IL6R: variants seen among roughly 807,000 people sequenced by gnomAD.
IL6R encodes the protein interleukin-6 receptor subunit alpha.
In IL6R, 38 loss-of-function variants were observed where a neutral mutation model predicts 48.3. That is an observed-to-expected ratio of 0.79 (90% CI 0.61 to 1.03). The LOEUF (loss-of-function observed/expected upper bound fraction) is 1.03. Ranked by LOEUF, IL6R falls within the 50% of genes least tolerant of loss-of-function variation. IL6R has a pLI of 0.00. For synonymous variants in IL6R, 264 were observed against 256.2 expected, an observed-to-expected ratio of 1.03 and a Z score of -0.29; for missense variants, 534 against 618.3, an observed-to-expected ratio of 0.86 and a Z score of 1.45.
intron 7 of IL6R, among the ~76,000 whole-genome samples, chr1:154,448,875 CTTTTT>C (rs757221328): frequency 2.7e-5 from 2 of 73,330 alleles, no homozygotes; most frequent in Admixed American, 1.6e-4. Flanking sequence ...CTTGTAAGGG[CTTTTT>C]TTTTTTTTTT....
chr1:154,464,046 T>C (rs1202524156), intron 9 of IL6R, among the ~76,000 whole-genome samples: 2 of 152,170 alleles, frequency 1.3e-5, no homozygotes, highest in Admixed American at 1.3e-4. Flanking sequence ...TTTCCTGCTA[T>C]TACATGGCGG....
intron 8 of IL6R, 37 bp downstream of exon 8, chr1:154,450,017 G>T (rs1335900308): frequency 1.5e-6 from 2 of 1,329,014 alleles, no homozygotes; most frequent in South Asian, 2.3e-5. Context: ...CAGGGTCCGA[G>T]GGACAGAAGA....
In IL6R at chr1:154,465,560, C is replaced by T. The variant is rs1162459048; in HGVS notation, c.*180C>T. 8.9e-6 allele frequency: 6 copies of T among 674,494 alleles called. No homozygotes were observed. The East Asian group carries it at 1.4e-4, about 15-fold the overall frequency. The allele number at this position is 674,494 out of a possible 1,614,324, so 41.8% of individuals were successfully genotyped here. ...AAATCAGCCTGCTCCAGCTGTTCAGCTGGTTGAGGTTTCAAACCTCCCTTT... is the reference window on the plus strand; with the variant it reads ...AAATCAGCCTGCTCCAGCTGTTCAGTTGGTTGAGGTTTCAAACCTCCCTTT... On this transcript the variant is annotated 3_prime_UTR_variant, in exon 10 of 10. Transcript: ENST00000368485.
chr1:154,429,253 C>T lies in IL6R; in HGVS notation c.143C>T (p.Pro48Leu), dbSNP rs1322685978. The change falls in exon 2 of 10, where the codon CCG becomes CTG. Residue 48 changes from proline to leucine, a missense_variant. By Grantham distance (98) the Pro-to-Leu change is moderately conservative. Coordinates refer to ENST00000368485, the MANE Select transcript of IL6R (RefSeq NM_000565.4). ...LPGDSVTLTCPGVEPEDNATV... is the reference protein window; with the variant it reads ...LPGDSVTLTCLGVEPEDNATV... The stretch of plus-strand genomic sequence containing the variant: ...GGAGACAGCGTGACTCTGACCTGCC[C>T]GGGGGTAGAGCCGGAAGACAATGCC... 17 of 1,613,970 alleles carry T rather than the reference C, an allele frequency of 1.1e-5. No homozygotes were observed. Among genetic ancestry groups the T allele is most frequent in the South Asian group, 4.4e-5 (4 of 91,080 alleles).
chr1:154,410,881 A>G (rs566205604), intron 1 of IL6R, among the ~76,000 whole-genome samples: 9 of 152,232 alleles, frequency 5.9e-5, no homozygotes, highest in Admixed American at 1.3e-4. Context: ...GGTTACAATA[A>G]CTGTTACCAT....
At chr1:154,428,779 G>A (rs1156995949) in intron 1 of IL6R, among the ~76,000 whole-genome samples, 1 of 152,166 alleles carries the variant, frequency 6.6e-6, no homozygotes, top group Non-Finnish European at 1.5e-5. Flanking sequence ...AGGAGTTGTC[G>A]TGGGGATGAT....
At position 154,405,683 on chromosome 1, in the gene IL6R, G is replaced by C; in HGVS notation, c.54G>C (p.Ala18=). The C allele has an allele frequency of 6.5e-7, 1 of 1,527,208 alleles. No individual in the cohort carries two copies. Among genetic ancestry groups the C allele is most frequent in the Non-Finnish European group, 8.7e-7 (1 of 1,144,054 alleles). The allele number at this position is 1,527,208 out of a possible 1,614,324, so 94.6% of individuals were successfully genotyped here. The change falls in exon 1 of 10, where the codon GCG becomes GCC. Residue 18 remains alanine, a synonymous_variant. Coordinates refer to ENST00000368485, the MANE Select transcript of IL6R (RefSeq NM_000565.4). This position sits in a 1 kb window ranked among gnomAD's most constrained non-coding sequence, Gnocchi z 5.2. Reference sequence around the variant, plus strand: ...CTGCCCTGCTGGCCGCGCCGGGAGCGGCGCTGGCCCCAAGGCGCTGCCCTG... The same window carrying C: ...CTGCCCTGCTGGCCGCGCCGGGAGCCGCGCTGGCCCCAAGGCGCTGCCCTG... ...LLAALLAAPG[A]ALAPRRCPAQ...
At chr1:154,431,960 G>A (rs368935835) in intron 3 of IL6R, among the ~76,000 whole-genome samples, 14 of 152,256 alleles carry the variant, frequency 9.2e-5, no homozygotes, top group African/African-American at 3.1e-4. Flanking sequence ...TTTTTGGACC[G>A]CAGTTGACCA....
At chr1:154,458,219 C>T (rs1691030436) in intron 9 of IL6R, among the ~76,000 whole-genome samples, 1 of 152,138 alleles carries the variant, frequency 6.6e-6, no homozygotes, top group Non-Finnish European at 1.5e-5. Flanking sequence ...ATCCACCCGC[C>T]TTGGCCTCCC....
intron 6 of IL6R, among the ~76,000 whole-genome samples, chr1:154,439,410 G>A (rs997613088): frequency 6.6e-6 from 1 of 152,156 alleles, no homozygotes; most frequent in Admixed American, 6.5e-5. Context: ...TGCCTCCCGG[G>A]TTCAAGCAAT....
Position 154,436,022 on chromosome 1 carries a change from G to A in IL6R, c.861G>A (p.Arg287=), listed in dbSNP as rs1689610681. ...CVIHDAWSGL[R]HVVQLRAQEE... ...TCCACGACGCCTGGAGCGGCCTGAG[G>A]CACGTGGTGCAGCTTCGTGCCCAGG... The change falls in exon 6 of 10, where the codon AGG becomes AGA. Residue 287 remains arginine (R), a synonymous_variant. Coordinates refer to ENST00000368485, the MANE Select transcript of IL6R (RefSeq NM_000565.4). 6 of 1,612,944 alleles carry A rather than the reference G, an allele frequency of 3.7e-6. No homozygotes were observed. The highest frequency in any genetic ancestry group is 4.2e-6 in the Non-Finnish European group (5 of 1,179,336).
chr1:154,454,463 A>C, intron 8 of IL6R, 25 bp from the exon 9 acceptor site: 1 of 1,449,928 alleles, frequency 6.9e-7, no homozygotes, highest in Non-Finnish European at 9.7e-7. Flanking sequence ...TTCCTCCTCT[A>C]TCTTCAATTT....
In IL6R at chr1:154,465,568, G is replaced by A; in HGVS notation, c.*188G>A. ...CTGCTCCAGCTGTTCAGCTGGTTGA[G>A]GTTTCAAACCTCCCTTTCCAAATGC... is the stretch of plus-strand genomic sequence containing the variant. On this transcript the variant is annotated 3_prime_UTR_variant, in exon 10 of 10. Coordinates refer to ENST00000368485, the MANE Select transcript of IL6R (RefSeq NM_000565.4). 1 of 646,622 alleles carries A rather than the reference G, an allele frequency of 1.5e-6. No individual in the cohort carries two copies. The highest frequency in any genetic ancestry group is 2.6e-6 in the Non-Finnish European group (1 of 378,136). The allele number at this position is 646,622 out of a possible 1,614,324, so 40.1% of individuals were successfully genotyped here.
At chr1:154,439,400 T>A (rs1689811879) in intron 6 of IL6R, among the ~76,000 whole-genome samples, 1 of 152,164 alleles carries the variant, frequency 6.6e-6, no homozygotes, top group Non-Finnish European at 1.5e-5. Context: ...ATGCAACCTC[T>A]GCCTCCCGGG....
intron 1 of IL6R, chr1:154,414,669 AC>A: frequency 1.2e-6 from 1 of 855,568 alleles, no homozygotes; most frequent in Non-Finnish European, 2.0e-6. Flanking sequence ...CGAGGATGTT[AC>A]CCTTGGCCAG....
chr1:154,458,727 C>G (rs1462817106), intron 9 of IL6R, among the ~76,000 whole-genome samples: 1 of 152,056 alleles, frequency 6.6e-6, no homozygotes, highest in Non-Finnish European at 1.5e-5. Flanking sequence ...GTGGAGAAAC[C>G]CTGTCTCTAC....
intron 6 of IL6R, among the ~76,000 whole-genome samples, chr1:154,447,296 G>T (rs1690279918): frequency 6.6e-6 from 1 of 150,844 alleles, no homozygotes; most frequent in Non-Finnish European, 1.5e-5. Context: ...AAAATTAGCT[G>T]GGTGTGGTGG....
chr1:154,421,843 C>G (rs1688681359), intron 1 of IL6R, among the ~76,000 whole-genome samples: 1 of 152,148 alleles, frequency 6.6e-6, no homozygotes, highest in African/African-American at 2.4e-5. Context: ...CTGGTCTCAG[C>G]CACCTGGGCA....
intron 6 of IL6R, among the ~76,000 whole-genome samples, chr1:154,436,355 G>A (rs1331600634): frequency 6.6e-6 from 1 of 152,210 alleles, no homozygotes; most frequent in Admixed American, 6.5e-5. Flanking sequence ...GCAGGTGCCT[G>A]TAATTCCAGC....
Sources: gnomAD v4.1 joint callset for allele counts (sites outside exome capture counted in the v4.1 genomes callset) on GRCh38, gnomAD v4.1.1 for gene constraint, Gnocchi (gnomAD v3.1) non-coding constraint, MANE v1.5 for transcripts, NCBI Gene and HGNC (gene_info 2026-07-23, HGNC 2026-07-21) for gene names.